The following SDAD1 variants were observed in gnomAD, a reference collection of about 807,000 sequenced individuals.
SDAD1 encodes the protein SDA1 domain containing 1, also known as protein SDA1 homolog.
In SDAD1, 79 loss-of-function variants were observed where a neutral mutation model predicts 100.3. That is an observed-to-expected ratio of 0.79 (90% CI 0.66 to 0.95). The LOEUF (loss-of-function observed/expected upper bound fraction) is 0.95. SDAD1 is among the 40% of genes least tolerant of loss of function. The pLI, the probability that SDAD1 is intolerant of heterozygous loss-of-function variation, is 0.00. For synonymous variants in SDAD1, 267 were observed against 271.4 expected, an observed-to-expected ratio of 0.98 and a Z score of 0.16; for missense variants, 790 against 810.9, an observed-to-expected ratio of 0.97 and a Z score of 0.31.
intron 1 of SDAD1, among the ~76,000 whole-genome samples, chr4:75,989,075 G>C (rs1323282672): frequency 2.0e-5 from 3 of 152,104 alleles, no homozygotes; most frequent in Non-Finnish European, 4.4e-5. Flanking sequence ...CACTCCCCGA[G>C]GCACTCAGAG....
chr4:75,979,479 A>T (rs77440457), intron 3 of SDAD1, among the ~76,000 whole-genome samples: 14,146 of 146,362 alleles, frequency 0.097, 753 homozygotes, highest in South Asian at 0.18. Context: ...TATTATTATT[A>T]TTTTTTTTTT....
chr4:75,990,836 G>A lies in SDAD1; in HGVS notation c.6C>T (p.Ser2=). 1 of 1,614,098 alleles carries A rather than the reference G, an allele frequency of 6.2e-7. No individual in the cohort carries two copies. Among genetic ancestry groups the A allele is most frequent in the African/African-American group, 1.3e-5 (1 of 75,026 alleles). The change falls in exon 1 of 22, where the codon TCC becomes TCT. Residue 2 remains serine, a synonymous_variant. Transcript: ENST00000356260. ...TGGGAAGCTTGTTGTTGTTTCTGTT[G>A]GACATTTTGGCTGCAGACAGACTTC... M[S]NRNNNKLPSN...
intron 1 of SDAD1, among the ~76,000 whole-genome samples, chr4:75,983,754 T>C (rs969337090): frequency 1.3e-4 from 20 of 152,228 alleles, no homozygotes; most frequent in African/African-American, 4.6e-4. Context: ...TTCACTCTGA[T>C]AATAGTTTCT....
intron 12 of SDAD1, among the ~76,000 whole-genome samples, chr4:75,966,777 C>T (rs1368093798): frequency 6.6e-6 from 1 of 151,958 alleles, no homozygotes; most frequent in Non-Finnish European, 1.5e-5. Flanking sequence ...GTTTTCTTTT[C>T]TTTTCTTTTT....
At position 75,957,674 on chromosome 4, in the gene SDAD1, C is replaced by T. The variant is rs757387659; in HGVS notation, c.1613G>A (p.Arg538Gln). The change falls in exon 19 of 22, where the codon CGG (arginine) becomes CAG (glutamine). Residue 538 changes from arginine (R) to glutamine (Q), a missense_variant. Physicochemically the swap from Arg to Gln is conservative, Grantham distance 43. Coordinates refer to ENST00000356260, the MANE Select transcript of SDAD1 (RefSeq NM_018115.4). Reference sequence around the variant, plus strand: ...GCTGATGGCTGCAGCTTTGGCCTTCCGCTCCTCCATGGGCATGCTGTTCAG... The same window carrying T: ...GCTGATGGCTGCAGCTTTGGCCTTCTGCTCCTCCATGGGCATGCTGTTCAG... ...KKLNSMPMEERKAKAAAISTS... is the reference protein window; with the variant it reads ...KKLNSMPMEEQKAKAAAISTS... The T allele has an allele frequency of 3.1e-6, 5 of 1,614,174 alleles. No homozygotes were observed. Among genetic ancestry groups the T allele is most frequent in the East Asian group, 4.5e-5 (2 of 44,890 alleles).
At chr4:75,983,671 GTAGATTC>G (rs1347328685) in intron 1 of SDAD1, among the ~76,000 whole-genome samples, 1 of 151,742 alleles carries the variant, frequency 6.6e-6, no homozygotes, top group Middle Eastern at 3.4e-3. Context: ...TAAGTTCCTT[GTAGATTC>G]TGGCTATTAG....
In SDAD1 at chr4:75,990,933, T is replaced by C. The variant is rs1430237702; in HGVS notation, c.-92A>G. On this transcript the variant is annotated 5_prime_UTR_variant, in exon 1 of 22. Coordinates refer to ENST00000356260, the MANE Select transcript of SDAD1 (RefSeq NM_018115.4). ...CCCTGCCAGCTGCAGCTTGGACTCG[T>C]GTTTCCGGGTATGACCGGAAATAGC... 2 of 1,492,128 alleles carry C rather than the reference T, an allele frequency of 1.3e-6. No individual in the cohort carries two copies. The highest frequency in any genetic ancestry group is 4.6e-5 in the East Asian group (2 of 43,944). The allele number at this position is 1,492,128 out of a possible 1,614,324, so 92.4% of individuals were successfully genotyped here.
chr4:75,964,313 C>T, intron 13 of SDAD1, 102 bp from the exon 14 acceptor site: 1 of 765,920 alleles, frequency 1.3e-6, no homozygotes, highest in South Asian at 1.6e-5. Context: ...GAAAACCCAG[C>T]CTTCCACCTT....
At chr4:75,970,879 T>C (rs1000896866) in intron 9 of SDAD1, among the ~76,000 whole-genome samples, 2 of 152,180 alleles carry the variant, frequency 1.3e-5, no homozygotes, top group Non-Finnish European at 2.9e-5. Context: ...CCCCATGATT[T>C]TAAGTTTCCT....
chr4:75,963,028 C>T (rs1729335704), intron 14 of SDAD1, among the ~76,000 whole-genome samples: 1 of 152,114 alleles, frequency 6.6e-6, no homozygotes, highest in Admixed American at 6.5e-5. Flanking sequence ...GGTTTTAGGC[C>T]TAACATTTAA....
Position 75,957,865 on chromosome 4 carries a change from A to G in SDAD1, c.1560T>C (p.Asp520=), listed in dbSNP as rs576494996. 1 of 1,614,042 alleles carries G rather than the reference A, an allele frequency of 6.2e-7. No individual in the cohort carries two copies. The highest frequency in any genetic ancestry group is 1.3e-5 in the African/African-American group (1 of 75,048). The stretch of plus-strand genomic sequence containing the variant: ...GACTTACGATTTCTTGCTGTTCTTC[A>G]TCGGAAGAGTGTTGCACATCAATCC... The part of the protein sequence containing the change: ...GEWIDVQHSS[D]EEQQEISKKL... Residue 520 remains aspartate, a synonymous_variant, in exon 18 of 22, where the codon GAT becomes GAC. Transcript: ENST00000356260.
In SDAD1 at chr4:75,963,308, T is replaced by C. The variant is rs139721297; in HGVS notation, c.1181+827A>G. On this transcript the variant is annotated intron_variant, in intron 14 of 21. Coordinates refer to ENST00000356260, the MANE Select transcript of SDAD1 (RefSeq NM_018115.4). ...TGGTTACTGTAGCCTTGTAGTATAG[T>C]TTGAAGTCAGGTAGCGTGACTCCAG... is the stretch of plus-strand genomic sequence containing the variant. 3.0e-3 allele frequency among the ~76,000 whole-genome samples: 457 copies of C among 152,142 alleles called. 5 individuals are homozygous for C. Among genetic ancestry groups the C allele is most frequent in the African/African-American group, 0.01 (433 of 41,436 alleles).
At chr4:75,961,829 T>C (rs923551256) in intron 14 of SDAD1, among the ~76,000 whole-genome samples, 2 of 150,766 alleles carry the variant, frequency 1.3e-5, no homozygotes, top group Non-Finnish European at 3.0e-5. Context: ...GGTTTGAATG[T>C]TCCCTCTAAA....
chr4:75,990,471 C>A (rs1404981414), intron 1 of SDAD1, among the ~76,000 whole-genome samples: 2 of 152,108 alleles, frequency 1.3e-5, no homozygotes, highest in African/African-American at 4.8e-5. Context: ...CACTTCCGTG[C>A]GGACGAAGAA....
At chr4:75,962,801 C>CA (rs1407763163) in intron 14 of SDAD1, among the ~76,000 whole-genome samples, 3 of 152,114 alleles carry the variant, frequency 2.0e-5, no homozygotes, top group African/African-American at 7.2e-5. Flanking sequence ...AGCCCTTTGT[C>CA]AGATGGGTAG....
In SDAD1 at chr4:75,969,416, G is replaced by C. The variant is rs1446806663; in HGVS notation, c.884-17C>G. The C allele has an allele frequency of 6.4e-7, 1 of 1,555,530 alleles. No homozygotes were observed. The highest frequency in any genetic ancestry group is 1.7e-5 in the Admixed American group (1 of 59,818). ...CCGCAAAATCTGGCAAGGAGAGGAT[G>C]AAAGAAGTACATTGTGAGTCTATGG... On this transcript the variant is annotated splice_polypyrimidine_tract_variant and intron_variant, in intron 10 of 21. Coordinates refer to ENST00000356260, the MANE Select transcript of SDAD1 (RefSeq NM_018115.4).
chr4:75,970,452 G>T, intron 9 of SDAD1, 74 bp from the exon 10 acceptor site: 7 of 1,158,812 alleles, frequency 6.0e-6, no homozygotes, highest in Non-Finnish European at 6.4e-6. Flanking sequence ...GTGCTAATAA[G>T]GCTGTTATAA....
chr4:75,990,228 T>C (rs1731159579), intron 1 of SDAD1, among the ~76,000 whole-genome samples: 1 of 150,854 alleles, frequency 6.6e-6, no homozygotes, highest in African/African-American at 2.5e-5. Flanking sequence ...AATCCTGGCT[T>C]AACTAAATAT....
Position 75,977,677 on chromosome 4 carries a change from AG to A in SDAD1, c.373del (p.Leu125PhefsTer18), listed in dbSNP as rs760930269. 6.2e-7 allele frequency: 1 copy of A among 1,612,800 alleles called. No individual in the cohort carries two copies. Among genetic ancestry groups the A allele is most frequent in the South Asian group, 1.1e-5 (1 of 90,944 alleles). ...PSSLLELFFE[L>X]FRCHDKLLRK... ...CAGAAGTTTATCATGGCAACGAAAAAGTTCAAAGAAGAGTTCTAGCAGGCTT... is the reference window on the plus strand; with the variant it reads ...CAGAAGTTTATCATGGCAACGAAAAATTCAAAGAAGAGTTCTAGCAGGCTT... On this transcript the variant is annotated frameshift_variant, in exon 4 of 22. Transcript: ENST00000356260. LOFTEE classifies it high-confidence loss of function.
Sources: gnomAD v4.1 joint callset for allele counts (sites outside exome capture counted in the v4.1 genomes callset) on GRCh38, gnomAD v4.1.1 for gene constraint, MANE v1.5 for transcripts, NCBI Gene and HGNC (gene_info 2026-07-23, HGNC 2026-07-21) for gene names.